GAREM1: variants seen among roughly 807,000 people sequenced by gnomAD.
GAREM1 encodes the protein GRB2 associated regulator of MAPK1 subtype 1.
A neutral mutation model predicts 71.3 loss-of-function variants in GAREM1; 26 were observed. That is an observed-to-expected ratio of 0.36 (90% CI 0.27 to 0.51). The LOEUF is 0.51. Ranked by LOEUF, GAREM1 falls within the 20% of genes least tolerant of loss-of-function variation. GAREM1 has a pLI of 0.95. For missense variants in GAREM1, 1,026 were observed against 1,103.1 expected (o/e 0.93, Z 0.99); for synonymous variants, 440 against 433.2 (o/e 1.02, Z -0.20).
intron 4 of GAREM1, among the ~76,000 whole-genome samples, chr18:32,273,843 G>C (rs1157382164): frequency 2.0e-5 from 3 of 152,166 alleles, no homozygotes; most frequent in Non-Finnish European, 2.9e-5. Flanking sequence ...TGTGATGGGA[G>C]GGCAGTCTGG....
At chr18:32,284,280 G>A (rs574003893) in intron 4 of GAREM1, among the ~76,000 whole-genome samples, 13 of 152,084 alleles carry the variant, frequency 8.5e-5, no homozygotes, top group Admixed American at 5.2e-4. Context: ...AAAATCTTTA[G>A]GTTTATAGCA....
chr18:32,451,632 C>T (rs1159356307), intron 1 of GAREM1, among the ~76,000 whole-genome samples: 1 of 152,182 alleles, frequency 6.6e-6, no homozygotes, highest in Non-Finnish European at 1.5e-5. Context: ...CCTAGAGGCC[C>T]TCTTTCTCTT....
At position 32,267,546 on chromosome 18, in the gene GAREM1, T is replaced by C. The variant is rs2041390781; in HGVS notation, c.*325A>G. 5.1e-6 allele frequency: 1 copy of C among 194,848 alleles called. No individual in the cohort carries two copies. The highest frequency in any genetic ancestry group is 1.9e-4 in the South Asian group (1 of 5,306). The allele number at this position is 194,848 out of a possible 1,614,324, so 12.1% of individuals were successfully genotyped here. A position where few individuals can be genotyped will look rare whatever the true frequency, so the allele number is the denominator to read the frequency against. ...TTTTTATGTCTTCCAGCTTTGGCTATTTTGTAATAAATATCATACCTTCTC... is the reference window on the plus strand; with the variant it reads ...TTTTTATGTCTTCCAGCTTTGGCTACTTTGTAATAAATATCATACCTTCTC... On this transcript the variant is annotated 3_prime_UTR_variant, in exon 6 of 6. Coordinates refer to ENST00000269209, the MANE Select transcript of GAREM1 (RefSeq NM_001242409.2).
intron 2 of GAREM1, among the ~76,000 whole-genome samples, chr18:32,335,604 C>T (rs1300842755): frequency 6.6e-6 from 1 of 152,202 alleles, no homozygotes; most frequent in African/African-American, 2.4e-5. Flanking sequence ...CTCAGGACTC[C>T]TTCAATACCC....
intron 1 of GAREM1, among the ~76,000 whole-genome samples, chr18:32,437,240 C>T (rs973674295): frequency 2.0e-5 from 3 of 152,116 alleles, no homozygotes; most frequent in East Asian, 3.9e-4. Context: ...GCAATGACCT[C>T]GAGAGGACTA....
chr18:32,300,950 C>T (rs948409883), intron 3 of GAREM1, among the ~76,000 whole-genome samples: 4 of 149,922 alleles, frequency 2.7e-5, no homozygotes, highest in African/African-American at 2.5e-5. Flanking sequence ...TCTAACTGGT[C>T]GGCAGAAGTA....
chr18:32,356,366 C>T (rs780646676), intron 2 of GAREM1, among the ~76,000 whole-genome samples: 30 of 152,176 alleles, frequency 2.0e-4, no homozygotes, highest in Non-Finnish European at 2.1e-4. Flanking sequence ...TCACATTTTA[C>T]TGCTATGCTT....
At chr18:32,401,047 T>A (rs947152560) in intron 1 of GAREM1, among the ~76,000 whole-genome samples, 3 of 151,962 alleles carry the variant, frequency 2.0e-5, no homozygotes, top group Non-Finnish European at 4.4e-5. Flanking sequence ...AAGCTGGAAA[T>A]CATCATTTTC....
chr18:32,308,725 A>G (rs2024353038), intron 3 of GAREM1, among the ~76,000 whole-genome samples: 1 of 150,354 alleles, frequency 6.7e-6, no homozygotes, highest in African/African-American at 2.5e-5. Context: ...CCACTGAAAA[A>G]GTTAAAAACG....
intron 1 of GAREM1, among the ~76,000 whole-genome samples, chr18:32,417,278 A>C (rs963519882): frequency 6.6e-6 from 1 of 152,210 alleles, no homozygotes; most frequent in African/African-American, 2.4e-5. Context: ...TAGTAACGTA[A>C]ATTAGTACAA....
At chr18:32,455,528 C>A (rs570438576) in intron 1 of GAREM1, among the ~76,000 whole-genome samples, 1 of 152,234 alleles carries the variant, frequency 6.6e-6, no homozygotes, top group African/African-American at 2.4e-5. Flanking sequence ...CTTACTTGAA[C>A]AGCAGCTTTG....
intron 2 of GAREM1, among the ~76,000 whole-genome samples, chr18:32,332,258 G>A (rs992179770): frequency 1.6e-4 from 25 of 151,890 alleles, no homozygotes; most frequent in Admixed American, 1.4e-3. Context: ...CGGGAAGAGC[G>A]CATTGTGCTC....
intron 1 of GAREM1, among the ~76,000 whole-genome samples, chr18:32,425,074 C>T (rs796463572): frequency 8.5e-5 from 13 of 152,238 alleles, no homozygotes; most frequent in African/African-American, 3.1e-4. Context: ...TGGCTCCTCC[C>T]CTCCACTATT....
At chr18:32,382,920 T>C (rs1047591375) in intron 2 of GAREM1, among the ~76,000 whole-genome samples, 2 of 152,078 alleles carry the variant, frequency 1.3e-5, no homozygotes, top group Non-Finnish European at 2.9e-5. Flanking sequence ...GACTATAAAA[T>C]GTTATGAAGG....
chr18:32,314,437 C>T (rs1479737862), intron 2 of GAREM1, among the ~76,000 whole-genome samples: 3 of 152,148 alleles, frequency 2.0e-5, no homozygotes, highest in African/African-American at 7.2e-5. Flanking sequence ...GTTTCCTCAC[C>T]TGTAAAATGG....
At chr18:32,277,090 A>T (rs1276370679) in intron 4 of GAREM1, among the ~76,000 whole-genome samples, 1 of 152,150 alleles carries the variant, frequency 6.6e-6, no homozygotes, top group Non-Finnish European at 1.5e-5. Flanking sequence ...ATCTTAGCAA[A>T]TGAGGCGTGA....
At chr18:32,453,676 A>G (rs1258850575) in intron 1 of GAREM1, among the ~76,000 whole-genome samples, 2 of 152,184 alleles carry the variant, frequency 1.3e-5, no homozygotes, top group Non-Finnish European at 2.9e-5. Context: ...ACTCCTCTTA[A>G]GACTGTTAAT....
chr18:32,352,124 A>T (rs2047759101), intron 2 of GAREM1, among the ~76,000 whole-genome samples: 1 of 152,240 alleles, frequency 6.6e-6, no homozygotes, highest in Non-Finnish European at 1.5e-5. Context: ...AGGATACACC[A>T]TTATCAGAAA....
intron 1 of GAREM1, among the ~76,000 whole-genome samples, chr18:32,437,843 G>A (rs1850228514): frequency 1.3e-5 from 2 of 152,186 alleles, no homozygotes. Context: ...ATTTAGAACT[G>A]TGCTGTTACT....
Sources: gnomAD v4.1 joint callset for allele counts (sites outside exome capture counted in the v4.1 genomes callset) on GRCh38, gnomAD v4.1.1 for gene constraint, MANE v1.5 for transcripts, NCBI Gene and HGNC (gene_info 2026-07-23, HGNC 2026-07-21) for gene names.